MTR: variants seen among roughly 807,000 people sequenced by gnomAD.
MTR encodes 5-methyltetrahydrofolate-homocysteine methyltransferase, also known as methionine synthase.
In MTR, 84 loss-of-function variants were observed where a neutral mutation model predicts 154.8. The ratio of observed to expected loss-of-function variants is 0.54; its 90% confidence interval spans 0.45 to 0.65. The LOEUF (loss-of-function observed/expected upper bound fraction) is 0.65. MTR is among the 30% of genes least tolerant of loss of function. The probability of loss-of-function intolerance (pLI) is 0.00; values close to 1 mark genes in which losing one functional copy is unlikely to be tolerated. For missense variants in MTR, 1,275 were observed against 1,570.2 expected, an observed-to-expected ratio of 0.81 and a Z score of 3.18; for synonymous variants, 554 against 553.9, an observed-to-expected ratio of 1.00 and a Z score of 0.00.
intron 1 of MTR, among the ~76,000 whole-genome samples, chr1:236,802,075 A>G (rs1441429580): frequency 6.6e-6 from 1 of 152,184 alleles, no homozygotes; most frequent in Non-Finnish European, 1.5e-5. Flanking sequence ...CAGGGCGAGG[A>G]AGGTGGGACC....
chr1:236,882,430 GC>G (rs1558336028), intron 25 of MTR, among the ~76,000 whole-genome samples: 1 of 144,010 alleles, frequency 6.9e-6, no homozygotes, highest in African/African-American at 2.6e-5. Context: ...TTGCCCTGTT[GC>G]CCAGGCTGAG....
chr1:236,814,368 T>G (rs1661472840), intron 6 of MTR, among the ~76,000 whole-genome samples: 1 of 152,136 alleles, frequency 6.6e-6, no homozygotes, highest in Non-Finnish European at 1.5e-5. Context: ...ATTGTTCAGA[T>G]TAGAAATAAG....
At chr1:236,844,723 C>G (rs1022745913) in intron 15 of MTR, among the ~76,000 whole-genome samples, 1 of 152,124 alleles carries the variant, frequency 6.6e-6, no homozygotes, top group Admixed American at 6.5e-5. Flanking sequence ...TGCAGATCTG[C>G]AGGCATGCTG....
intron 1 of MTR, among the ~76,000 whole-genome samples, chr1:236,796,786 ATATT>A (rs1443411422): frequency 1.2e-5 from 1 of 82,208 alleles, no homozygotes; most frequent in Non-Finnish European, 2.3e-5. Flanking sequence ...TTTATATTTA[ATATT>A]TAATTAATAA....
intron 18 of MTR, among the ~76,000 whole-genome samples, chr1:236,855,787 G>T (rs1433402038): frequency 6.6e-6 from 1 of 152,142 alleles, no homozygotes; most frequent in East Asian, 1.9e-4. Context: ...AGTTTGCTTG[G>T]TAGCTTTCTA....
intron 18 of MTR, among the ~76,000 whole-genome samples, chr1:236,855,153 A>C (rs1664134059): frequency 6.6e-6 from 1 of 152,176 alleles, no homozygotes; most frequent in Admixed American, 6.5e-5. Context: ...TATGAGGCAA[A>C]TAAGAGTCAA....
intron 23 of MTR, 140 bp from the exon 24 acceptor site, chr1:236,874,584 AAG>A: frequency 3.0e-6 from 2 of 676,554 alleles, no homozygotes; most frequent in East Asian, 3.1e-5. Flanking sequence ...AAAAAAAAAA[AAG>A]AATTAGGAAT....
At chr1:236,797,055 T>C (rs1660434409) in intron 1 of MTR, among the ~76,000 whole-genome samples, 1 of 151,786 alleles carries the variant, frequency 6.6e-6, no homozygotes, top group Non-Finnish European at 1.5e-5. Flanking sequence ...AATTGTTGAA[T>C]GTTTGAATCT....
chr1:236,854,696 C>T (rs2103263316), intron 18 of MTR, among the ~76,000 whole-genome samples: 1 of 152,290 alleles, frequency 6.6e-6, no homozygotes, highest in Non-Finnish European at 1.5e-5. Context: ...AGGAGGCAGC[C>T]CTCTCACTTA....
At position 236,838,103 on chromosome 1, in the gene MTR, C is replaced by T. The variant is rs6668438; in HGVS notation, c.1330-311C>T. ...TGAATCCTAGCTGAGGTGTTTGCCTCGGGGCTTAGGCGCTTGAAAGTGTAC... is the reference window on the plus strand; with the variant it reads ...TGAATCCTAGCTGAGGTGTTTGCCTTGGGGCTTAGGCGCTTGAAAGTGTAC... On this transcript the variant is annotated intron_variant, in intron 14 of 32. Transcript: ENST00000366577. 0.37 allele frequency among the ~76,000 whole-genome samples: 56,670 copies of T among 151,946 alleles called. 11,011 individuals carry two copies. The highest frequency in any genetic ancestry group is 0.43 in the East Asian group (2,242 of 5,160).
intron 4 of MTR, 46 bp downstream of exon 4, chr1:236,808,819 A>G (rs1352971794): frequency 7.1e-6 from 11 of 1,556,204 alleles, no homozygotes; most frequent in Non-Finnish European, 8.9e-6. Flanking sequence ...TTCCTTTGAT[A>G]CTGTCAGCTA....
In MTR at chr1:236,886,345, T is replaced by G. The variant is rs1424783945; in HGVS notation, c.2829T>G (p.Asp943Glu). Reference sequence around the variant, plus strand: ...CCAGAAAAAGTGGTTTCCAAATGGATTGGCTGTCTGAACCTCACCCAGGTC... The same window carrying G: ...CCAGAAAAAGTGGTTTCCAAATGGAGTGGCTGTCTGAACCTCACCCAGGTC... The part of the protein sequence containing the change: ...SQARKSGFQM[D>E]WLSEPHPVKP... Residue 943 changes from aspartate (D) to glutamate (E), a missense_variant, in exon 27 of 33, where the codon GAT becomes GAG. Coordinates refer to ENST00000366577, the MANE Select transcript of MTR (RefSeq NM_000254.3). 1 of 1,614,028 alleles carries G rather than the reference T, an allele frequency of 6.2e-7. No homozygotes were observed. Among genetic ancestry groups the G allele is most frequent in the Admixed American group, 1.7e-5 (1 of 60,008 alleles).
intron 22 of MTR, among the ~76,000 whole-genome samples, chr1:236,868,832 A>G (rs1387375945): frequency 1.3e-5 from 2 of 152,260 alleles, no homozygotes; most frequent in African/African-American, 4.8e-5. Context: ...AGTGAGGAAC[A>G]TGATTGTACC....
chr1:236,827,443 C>A (rs147913523), intron 11 of MTR, among the ~76,000 whole-genome samples: 20 of 152,102 alleles, frequency 1.3e-4, no homozygotes, highest in African/African-American at 4.8e-4. Context: ...AATGTTTTTC[C>A]ATTCTTATTT....
At chr1:236,808,552 A>G in intron 3 of MTR, 152 bp from the exon 4 acceptor site, 3 of 793,602 alleles carry the variant, frequency 3.8e-6, no homozygotes, top group East Asian at 5.4e-5. Flanking sequence ...TGGAGCTGAT[A>G]TGCCTGCTTG....
chr1:236,895,696 C>CGATT (rs1666586475), intron 31 of MTR, 146 bp downstream of exon 31: 7 of 725,622 alleles, frequency 9.6e-6, no homozygotes, highest in Non-Finnish European at 1.6e-5. Flanking sequence ...TCACTCGTAG[C>CGATT]TATTCTGCAT....
At chr1:236,858,096 G>T (rs1457556377) in intron 18 of MTR, among the ~76,000 whole-genome samples, 2 of 152,178 alleles carry the variant, frequency 1.3e-5, no homozygotes, top group Non-Finnish European at 2.9e-5. Flanking sequence ...AATGGCAGAA[G>T]AGAAAGCCAG....
At chr1:236,858,194 C>T (rs1457511840) in intron 18 of MTR, among the ~76,000 whole-genome samples, 2 of 152,160 alleles carry the variant, frequency 1.3e-5, no homozygotes, top group African/African-American at 4.8e-5. Context: ...TTAATGGACT[C>T]ACGGTTCCAC....
At chr1:236,841,581 C>G (rs1572245888) in intron 15 of MTR, among the ~76,000 whole-genome samples, 1 of 152,218 alleles carries the variant, frequency 6.6e-6, no homozygotes, top group East Asian at 1.9e-4. Flanking sequence ...CCTTACCTTC[C>G]TCCTGGGGTT....
Sources: allele counts gnomAD v4.1 joint callset (sites outside exome capture counted in the v4.1 genomes callset), GRCh38; gene constraint gnomAD v4.1.1; transcripts MANE v1.5; gene names NCBI Gene and HGNC (gene_info 2026-07-23, HGNC 2026-07-21).